The following DNAH6 variants were observed in gnomAD, a reference collection of about 807,000 sequenced individuals.
DNAH6 encodes the protein axonemal beta dynein heavy chain 6.
DNAH6 carries 340 observed loss-of-function variants against 491.4 expected under a neutral mutation model. That is an observed-to-expected ratio of 0.69 (90% CI 0.63 to 0.76). The LOEUF (loss-of-function observed/expected upper bound fraction) is 0.76, where lower values mean the gene tolerates loss of function less well. Ranked by LOEUF, DNAH6 falls within the 30% of genes least tolerant of loss-of-function variation. DNAH6 has a pLI of 0.00. For synonymous variants in DNAH6, 1,603 were observed against 1,686.1 expected (o/e 0.95, Z 1.21); for missense variants, 4,443 against 4,972.2 (o/e 0.89, Z 3.20).
chr2:84,603,164 GTTCAAAGCCAGGTATCTTATATAGTACA>G (rs1685427391), intron 18 of DNAH6, among the ~76,000 whole-genome samples: 1 of 151,670 alleles, frequency 6.6e-6, no homozygotes, highest in Non-Finnish European at 1.5e-5. Flanking sequence ...TTAATTTTTT[GTTCAAAGCCAGGTATCTTATATAGTACA>G]GTAAATACCA....
At chr2:84,529,955 T>A (rs1174830332) in intron 4 of DNAH6, among the ~76,000 whole-genome samples, 1 of 152,168 alleles carries the variant, frequency 6.6e-6, no homozygotes, top group Non-Finnish European at 1.5e-5. Context: ...AAAAGCTTTT[T>A]AATCAAAATT....
intron 62 of DNAH6, among the ~76,000 whole-genome samples, chr2:84,743,527 A>G (rs1672700327): frequency 6.6e-6 from 1 of 152,216 alleles, no homozygotes; most frequent in Non-Finnish European, 1.5e-5. Context: ...GTTATTTAAA[A>G]TATACATTAT....
At chr2:84,526,900 C>T (rs1378886728) in intron 3 of DNAH6, among the ~76,000 whole-genome samples, 3 of 151,874 alleles carry the variant, frequency 2.0e-5, no homozygotes, top group Non-Finnish European at 2.9e-5. Context: ...AAGGAGAGAA[C>T]GTGTATAGAC....
chr2:84,697,478 A>G (rs1695500185), intron 46 of DNAH6, 97 bp from the exon 47 acceptor site: 3 of 1,254,404 alleles, frequency 2.4e-6, no homozygotes, highest in African/African-American at 1.5e-5. Flanking sequence ...TCTCTTAAAG[A>G]TGAAATTGAT....
intron 16 of DNAH6, among the ~76,000 whole-genome samples, chr2:84,590,617 C>T (rs1297115299): frequency 6.6e-6 from 1 of 152,074 alleles, no homozygotes; most frequent in Non-Finnish European, 1.5e-5. Context: ...TCCTTTTTCC[C>T]TTGGACACAC....
chr2:84,587,234 G>T (rs1438797713), intron 15 of DNAH6, among the ~76,000 whole-genome samples: 1 of 152,178 alleles, frequency 6.6e-6, no homozygotes, highest in Non-Finnish European at 1.5e-5. Context: ...GCATTAGTTT[G>T]CTATGAATAA....
intron 14 of DNAH6, among the ~76,000 whole-genome samples, chr2:84,583,406 C>T (rs1429176855): frequency 6.6e-6 from 1 of 152,154 alleles, no homozygotes; most frequent in African/African-American, 2.4e-5. Flanking sequence ...AAAGAGGAAA[C>T]ATTTATAAGA....
chr2:84,483,365 C>T, the DNAH6 span, among the ~76,000 whole-genome samples: 1 of 152,176 alleles, frequency 6.6e-6, no homozygotes, highest in Admixed American at 6.5e-5. Flanking sequence ...ATTTTATACT[C>T]AAAGCCTTGA....
At chr2:84,817,023 T>TG (rs779980157) in intron 76 of DNAH6, among the ~76,000 whole-genome samples, 10 of 152,106 alleles carry the variant, frequency 6.6e-5, no homozygotes, top group Non-Finnish European at 1.3e-4. Flanking sequence ...AGAGAATGTT[T>TG]GAAAAAATAA....
At chr2:84,582,553 G>A (rs1285284251) in intron 14 of DNAH6, among the ~76,000 whole-genome samples, 1 of 152,186 alleles carries the variant, frequency 6.6e-6, no homozygotes, top group Non-Finnish European at 1.5e-5. Flanking sequence ...CCGGGTTCAC[G>A]CCATTCTCCT....
intron 33 of DNAH6, among the ~76,000 whole-genome samples, chr2:84,643,898 G>GTGTGTT (rs138750347): frequency 1.3e-5 from 2 of 148,538 alleles, no homozygotes; most frequent in African/African-American, 5.1e-5. Context: ...TTCAAATTGT[G>GTGTGTT]TTTTTTTTTG....
At chr2:84,544,675 A>G (rs1358459135) in intron 5 of DNAH6, among the ~76,000 whole-genome samples, 175 bp downstream of exon 5, 1 of 152,136 alleles carries the variant, frequency 6.6e-6, no homozygotes, top group Non-Finnish European at 1.5e-5. Context: ...GGGTGTTTCT[A>G]CATTTTAACT....
chr2:84,487,495 C>T, the DNAH6 span, among the ~76,000 whole-genome samples: 1 of 152,212 alleles, frequency 6.6e-6, no homozygotes, highest in African/African-American at 2.4e-5. Flanking sequence ...AGTCTGGCTC[C>T]TGTTGTATCC....
chr2:84,509,534 G>C, the DNAH6 span, among the ~76,000 whole-genome samples: 4 of 152,006 alleles, frequency 2.6e-5, no homozygotes, highest in South Asian at 4.2e-4. Flanking sequence ...ATCCAATTTG[G>C]CAGTCTGTGT....
intron 49 of DNAH6, among the ~76,000 whole-genome samples, chr2:84,701,931 A>G (rs947921511): frequency 6.6e-6 from 1 of 152,136 alleles, no homozygotes; most frequent in Non-Finnish European, 1.5e-5. Flanking sequence ...TGTTGGTCTG[A>G]GGGCCTTCTC....
the DNAH6 span, among the ~76,000 whole-genome samples, chr2:84,499,999 C>T: frequency 6.0e-5 from 9 of 151,252 alleles, no homozygotes; most frequent in South Asian, 1.3e-3. Flanking sequence ...ACTTTGTTAT[C>T]GTACCCTTTG....
chr2:84,796,521 T>C, intron 69 of DNAH6, 96 bp downstream of exon 69: 1 of 1,090,048 alleles, frequency 9.2e-7, no homozygotes, highest in Non-Finnish European at 1.3e-6. Flanking sequence ...GTGTCAGGTC[T>C]CCACAACGCT....
chr2:84,536,909 A>G (rs909920378), intron 4 of DNAH6, among the ~76,000 whole-genome samples: 21 of 152,046 alleles, frequency 1.4e-4, no homozygotes, highest in Admixed American at 1.4e-3. Context: ...TGGGATAATT[A>G]TGTCCCAAAT....
At chr2:84,519,847 A>G (rs545317358) in intron 2 of DNAH6, among the ~76,000 whole-genome samples, 7 of 152,090 alleles carry the variant, frequency 4.6e-5, no homozygotes, top group Admixed American at 2.6e-4. Flanking sequence ...AATTTTATAC[A>G]AATTTATTTG....
Sources: gnomAD v4.1 joint callset for allele counts (sites outside exome capture counted in the v4.1 genomes callset) on GRCh38, gnomAD v4.1.1 for gene constraint, MANE v1.5 for transcripts, NCBI Gene and HGNC (gene_info 2026-07-23, HGNC 2026-07-21) for gene names.